CCND3: variants seen among roughly 807,000 people sequenced by gnomAD.
CCND3 encodes G1/S-specific cyclin-D3.
CCND3 carries 9 observed loss-of-function variants against 28.7 expected under a neutral mutation model. The observed-to-expected ratio is 0.31, with a 90% confidence interval of 0.19 to 0.55. The LOEUF is 0.55. CCND3 is among the 20% of genes least tolerant of loss of function. The pLI is 0.93. For synonymous variants in CCND3, 164 were observed against 163.9 expected, an observed-to-expected ratio of 1.00 and a Z score of 0.00; for missense variants, 315 against 385.8, an observed-to-expected ratio of 0.82 and a Z score of 1.54.
intron 1 of CCND3, among the ~76,000 whole-genome samples, chr6:41,960,466 A>C (rs1424428162): frequency 6.6e-6 from 1 of 152,234 alleles, no homozygotes; most frequent in African/African-American, 2.4e-5. Context: ...TCTTCTCTCC[A>C]GGGAGGCCTC....
rs1282380949 is a variant in CCND3, at chr6:41,938,462, A to C, written c.415-1068T>G. ...GAAAATAGCCTGGCCTGGAGCCAGA[A>C]GTGAGACAGATAAATTACAACGCTA... On this transcript the variant is annotated intron_variant, in intron 2 of 4. Transcript: ENST00000372991. This position sits in a 1 kb window ranked among gnomAD's most constrained non-coding sequence, Gnocchi z 4.6. Among the ~76,000 whole-genome samples the C allele has an allele frequency of 6.6e-6, 1 of 152,188 alleles. No individual in the cohort carries two copies. Among genetic ancestry groups the C allele is most frequent in the African/African-American group, 2.4e-5 (1 of 41,436 alleles).
At chr6:42,041,815 G>C (rs550044440) in intron 1 of CCND3, among the ~76,000 whole-genome samples, 1 of 152,346 alleles carries the variant, frequency 6.6e-6, no homozygotes, top group African/African-American at 2.4e-5. Flanking sequence ...AGGCAGACTG[G>C]GGGCCCTCTG....
chr6:41,947,314 G>A (rs1403562563), intron 1 of CCND3, among the ~76,000 whole-genome samples: 1 of 152,130 alleles, frequency 6.6e-6, no homozygotes, highest in African/African-American at 2.4e-5. Context: ...CAGAGTTGGT[G>A]TGAACTGACC....
chr6:41,936,849 G>C lies in CCND3; in HGVS notation c.575-154C>G. On this transcript the variant is annotated intron_variant, in intron 3 of 4. Coordinates refer to ENST00000372991, the MANE Select transcript of CCND3 (RefSeq NM_001760.5). This position sits in a 1 kb window ranked among gnomAD's most constrained non-coding sequence, Gnocchi z 4.4. The stretch of plus-strand genomic sequence containing the variant: ...AGTGGGTGGGGCAAGATATCAGCAA[G>C]GGAGGAAGACAGGAAAGAGTATCTT... The C allele has an allele frequency of 5.7e-6, 4 of 704,538 alleles. No individual in the cohort carries two copies. The highest frequency in any genetic ancestry group is 9.4e-6 in the Non-Finnish European group (4 of 424,374). The allele number at this position is 704,538 out of a possible 1,614,324, so 43.6% of individuals were successfully genotyped here. A position where few individuals can be genotyped will look rare whatever the true frequency, so the allele number is the denominator to read the frequency against.
At chr6:41,964,486 ATGTGTG>A (rs57170949) in intron 1 of CCND3, among the ~76,000 whole-genome samples, 2 of 103,056 alleles carry the variant, frequency 1.9e-5, no homozygotes, top group Non-Finnish European at 3.9e-5. Flanking sequence ...GTGTGTGTGA[ATGTGTG>A]TGTGTGAGTG....
chr6:41,962,357 C>T (rs150879131), intron 1 of CCND3, among the ~76,000 whole-genome samples: 1,754 of 152,174 alleles, frequency 0.012, 42 homozygotes, highest in African/African-American at 0.037. Flanking sequence ...GCCTCGGCCT[C>T]GCAAAGTGTT....
At chr6:42,024,984 G>T (rs1763830523) in intron 1 of CCND3, among the ~76,000 whole-genome samples, 1 of 152,218 alleles carries the variant, frequency 6.6e-6, no homozygotes, top group Non-Finnish European at 1.5e-5. Context: ...CTCGAACCCA[G>T]GAGGTGGAGG....
chr6:41,936,227 G>A lies in CCND3; in HGVS notation c.712-120C>T, dbSNP rs1775790435. 3.6e-6 allele frequency: 4 copies of A among 1,114,998 alleles called. No homozygotes were observed. The highest frequency in any genetic ancestry group is 3.2e-5 in the South Asian group (2 of 62,568). The allele number at this position is 1,114,998 out of a possible 1,614,324, so 69.1% of individuals were successfully genotyped here. A position where few individuals can be genotyped will look rare whatever the true frequency, so the allele number is the denominator to read the frequency against. On this transcript the variant is annotated intron_variant, in intron 4 of 4. Coordinates refer to ENST00000372991, the MANE Select transcript of CCND3 (RefSeq NM_001760.5). The surrounding 1 kb of genome is among the most constrained non-coding windows in gnomAD (Gnocchi z 4.4). ...TCTGGGGAGGTTAGGCCACAGCCCG[G>A]CCCCAGGAATCGCTCTTTAGTTCTC...
chr6:42,042,028 G>A (rs957775580), intron 1 of CCND3, among the ~76,000 whole-genome samples: 1 of 152,240 alleles, frequency 6.6e-6, no homozygotes, highest in African/African-American at 2.4e-5. Context: ...AGCAAAAGCT[G>A]GGGCCAGAAC....
chr6:41,946,595 CAAAA>C (rs35369019), upstream of CCND3, among the ~76,000 whole-genome samples: 44 of 20,920 alleles, frequency 2.1e-3, no homozygotes, highest in African/African-American at 7.1e-3. Flanking sequence ...AGACCTGTCT[CAAAA>C]AAAAAAAAAA....
At position 41,950,909 on chromosome 6, in the gene CCND3, C is replaced by T. The variant is rs140990466; in HGVS notation, c.-45-10324G>A. On this transcript the variant is annotated intron_variant, in intron 1 of 4. Transcript: ENST00000372988. ...ATTTTTAGTAGAGTTGGGGTTTCAC[C>T]GTGTTAGCCAGGATGGTCTTGATCT... Among the ~76,000 whole-genome samples the T allele has an allele frequency of 3.8e-3, 579 of 151,912 alleles. 3 individuals are homozygous for T. The highest frequency in any genetic ancestry group is 6.3e-3 in the Non-Finnish European group (430 of 67,928).
chr6:42,040,962 C>G (rs1470288888), intron 1 of CCND3, among the ~76,000 whole-genome samples: 1 of 151,928 alleles, frequency 6.6e-6, no homozygotes, highest in Non-Finnish European at 1.5e-5. Flanking sequence ...TATAAACTGA[C>G]TTATGTACAA....
chr6:41,989,793 T>C (rs1762598600), intron 1 of CCND3, among the ~76,000 whole-genome samples: 1 of 152,140 alleles, frequency 6.6e-6, no homozygotes, highest in Non-Finnish European at 1.5e-5. Context: ...CTAAAAGTAC[T>C]ATTCTATAAC....
At chr6:42,044,502 A>AT (rs533325099) in intron 1 of CCND3, among the ~76,000 whole-genome samples, 131 of 152,304 alleles carry the variant, frequency 8.6e-4, no homozygotes, top group African/African-American at 3.1e-3. Context: ...TTACAGGCGA[A>AT]GGGGCTTTGA....
At chr6:41,995,997 T>C (rs956455487) in intron 1 of CCND3, among the ~76,000 whole-genome samples, 3 of 151,082 alleles carry the variant, frequency 2.0e-5, no homozygotes, top group African/African-American at 4.8e-5. Flanking sequence ...CCAAATCCTA[T>C]CATCTGGAGA....
intron 1 of CCND3, among the ~76,000 whole-genome samples, chr6:42,028,018 A>T (rs1763933328): frequency 6.6e-6 from 1 of 152,192 alleles, no homozygotes; most frequent in Non-Finnish European, 1.5e-5. Flanking sequence ...AAGTGCTGGG[A>T]TTACAGGCGT....
intron 1 of CCND3, among the ~76,000 whole-genome samples, chr6:42,033,455 A>AT (rs1301537502): frequency 2.1e-4 from 27 of 130,256 alleles, no homozygotes; most frequent in South Asian, 1.0e-3. Context: ...ATCTAAAAAA[A>AT]AAATATATAT....
At chr6:42,018,891 TAAAAA>T (rs10568698) in intron 1 of CCND3, among the ~76,000 whole-genome samples, 11 of 136,856 alleles carry the variant, frequency 8.0e-5, no homozygotes, top group Non-Finnish European at 1.2e-4. Context: ...AACTCCATGT[TAAAAA>T]AAAAAAAAAA....
intron 1 of CCND3, among the ~76,000 whole-genome samples, chr6:42,043,131 C>T (rs1288072076): frequency 3.9e-5 from 6 of 152,222 alleles, no homozygotes; most frequent in African/African-American, 7.2e-5. Context: ...CAGTGGCCCA[C>T]GCCTGTAATT....
Sources: gnomAD v4.1 joint callset for allele counts (sites outside exome capture counted in the v4.1 genomes callset) on GRCh38, gnomAD v4.1.1 for gene constraint, Gnocchi (gnomAD v3.1) non-coding constraint, MANE v1.5 for transcripts, NCBI Gene and HGNC (gene_info 2026-07-23, HGNC 2026-07-21) for gene names.